The following ADAP1 variants were observed in gnomAD, a reference collection of about 807,000 sequenced individuals.
The protein encoded by ADAP1 is arf-GAP with dual PH domain-containing protein 1.
In ADAP1, 31 loss-of-function variants were observed where a neutral mutation model predicts 54.9. The observed-to-expected ratio is 0.56, with a 90% confidence interval of 0.42 to 0.76. The LOEUF (loss-of-function observed/expected upper bound fraction) is 0.76, where lower values mean the gene tolerates loss of function less well. Among genes scored for constraint, ADAP1 ranks in the 30% least tolerant of loss-of-function variants. The pLI is 0.00. For synonymous variants in ADAP1, 313 were observed against 202.6 expected (o/e 1.55, Z -4.63); for missense variants, 535 against 512.4 (o/e 1.04, Z -0.42).
chr7:954,823 A>C, upstream of ADAP1: 5 of 600,164 alleles, frequency 8.3e-6, no homozygotes, highest in Non-Finnish European at 1.0e-5. Flanking sequence ...CCGCTGGGAA[A>C]TCGCCCGCCG....
rs1439439602 is a variant in ADAP1 at position 926,652 on chromosome 7, AGAG to A, written c.214-11_214-9del. The A allele has an allele frequency of 4.5e-6, 7 of 1,538,958 alleles. No individual in the cohort carries two copies. The highest frequency in any genetic ancestry group is 6.1e-6 in the Non-Finnish European group (7 of 1,142,216). On this transcript the variant is annotated splice_polypyrimidine_tract_variant and intron_variant, in intron 2 of 10. Coordinates refer to ENST00000265846, the MANE Select transcript of ADAP1 (RefSeq NM_006869.4). This position sits in a 1 kb window ranked among gnomAD's most constrained non-coding sequence, Gnocchi z 4.6. ...CCCGTGGGAGGCCATGAACTGCAAG[AGAG>A]GAGGGGCCGGGTCAGAGGCCTGGGG...
At chr7:927,575 A>G (rs1583170775) in intron 2 of ADAP1, 2 of 457,894 alleles carry the variant, frequency 4.4e-6, no homozygotes, top group East Asian at 1.4e-4. Context: ...GGCAGTAAAC[A>G]GGGAGGGCCC....
chr7:905,385 A>AAAGGGAAAGGAGAAAGGGAAAGG (rs1845105955), intron 4 of ADAP1: 1 of 239,730 alleles, frequency 4.2e-6, no homozygotes, highest in Non-Finnish European at 6.8e-6. Flanking sequence ...AGGAGAAAGG[A>AAAGGGAAAGGAGAAAGGGAAAGG]GAAAGGAGAA....
chr7:934,956 C>A (rs1387574840), intron 2 of ADAP1, among the ~76,000 whole-genome samples: 1 of 152,230 alleles, frequency 6.6e-6, no homozygotes, highest in East Asian at 1.9e-4. Context: ...ACGTGGACTG[C>A]CGTGTAAATG....
intron 1 of ADAP1, among the ~76,000 whole-genome samples, chr7:939,151 A>G (rs575862747): frequency 1.2e-4 from 18 of 152,304 alleles, no homozygotes; most frequent in African/African-American, 2.9e-4. Flanking sequence ...TGAACTGTCT[A>G]TAGCTGCTTT....
At chr7:900,062 TACCCCAGGCC>T (rs769430317) in intron 8 of ADAP1, 30 bp downstream of exon 8, 78 of 1,610,766 alleles carry the variant, frequency 4.8e-5, no homozygotes, top group African/African-American at 1.6e-4. Context: ...CACCATGGCG[TACCCCAGGCC>T]ACCCCAGGCC....
chr7:904,592 A>G (rs571306736), intron 5 of ADAP1, among the ~76,000 whole-genome samples: 4 of 152,100 alleles, frequency 2.6e-5, no homozygotes, highest in Non-Finnish European at 5.9e-5. Flanking sequence ...CCACCAGCCC[A>G]CCTCCAGCCA....
At chr7:932,999 T>A (rs552178941) in intron 2 of ADAP1, among the ~76,000 whole-genome samples, 2 of 152,244 alleles carry the variant, frequency 1.3e-5, no homozygotes, top group East Asian at 3.9e-4. Context: ...CAGCCAGGCA[T>A]GGTGGCTCAC....
intron 4 of ADAP1, among the ~76,000 whole-genome samples, chr7:916,516 G>A (rs1845938435): frequency 6.6e-6 from 1 of 152,184 alleles, no homozygotes. Flanking sequence ...AAATTGCTAA[G>A]ATGTTTCTGC....
intron 4 of ADAP1, among the ~76,000 whole-genome samples, chr7:906,608 GGAGAAAGGGAAAGGA>G (rs200216072): frequency 3.2e-4 from 3 of 9,450 alleles, no homozygotes; most frequent in African/African-American, 8.6e-4. Context: ...AGGGAGAAAG[GGAGAAAGGGAAAGGA>G]GAAAGGAGAA....
intron 4 of ADAP1, among the ~76,000 whole-genome samples, chr7:918,044 C>G (rs373281892): frequency 1.3e-5 from 2 of 152,120 alleles, no homozygotes; most frequent in Non-Finnish European, 2.9e-5. Context: ...CCGCCTTGAC[C>G]TCCATATAAA....
intron 3 of ADAP1, among the ~76,000 whole-genome samples, chr7:925,361 TAA>T (rs5881885): frequency 0.29 from 32,116 of 111,280 alleles, 4,511 homozygotes; most frequent in East Asian, 0.44. Context: ...TCTCTATATT[TAA>T]AAAAAAAAAA....
intron 6 of ADAP1, 181 bp from the exon 7 acceptor site, chr7:900,797 C>A: frequency 1.5e-6 from 1 of 654,716 alleles, no homozygotes; most frequent in Non-Finnish European, 2.8e-6. Flanking sequence ...ACGCTGAGGC[C>A]GGGGCTGCTA....
chr7:943,402 G>A (rs1487322413), intron 1 of ADAP1, among the ~76,000 whole-genome samples: 2 of 15,234 alleles, frequency 1.3e-4, no homozygotes, highest in Non-Finnish European at 2.6e-4. Context: ...GAGGAGGAAG[G>A]GAGTGAGGAG....
At chr7:933,460 G>A (rs1846646846) in intron 2 of ADAP1, among the ~76,000 whole-genome samples, 1 of 97,128 alleles carries the variant, frequency 1.0e-5, no homozygotes, top group South Asian at 6.0e-4. Context: ...TCCCAACCAG[G>A]GGCAGGGGTC....
At chr7:942,385 GA>G (rs1846968169) in intron 1 of ADAP1, among the ~76,000 whole-genome samples, 5 of 104,874 alleles carry the variant, frequency 4.8e-5, no homozygotes, top group African/African-American at 2.0e-4. Context: ...GAGGAAGGGA[GA>G]GAGGAGGAGG....
chr7:911,497 A>T (rs913738069), intron 4 of ADAP1, among the ~76,000 whole-genome samples: 1 of 151,698 alleles, frequency 6.6e-6, no homozygotes, highest in African/African-American at 2.4e-5. Context: ...GCCCAAGAAC[A>T]GCGAACCCTG....
chr7:900,015 G>C (rs565170341), intron 8 of ADAP1, 87 bp downstream of exon 8: 3 of 1,485,892 alleles, frequency 2.0e-6, no homozygotes, highest in South Asian at 1.2e-5. Context: ...AAACACAGGC[G>C]GCAGCTGGCA....
chr7:937,145 C>T (rs111391884), intron 1 of ADAP1, among the ~76,000 whole-genome samples: 121 of 90,102 alleles, frequency 1.3e-3, no homozygotes, highest in African/African-American at 2.2e-3. Context: ...TTGGGGGTCA[C>T]GCCCGGCCTC....
Sources: allele counts gnomAD v4.1 joint callset (sites outside exome capture counted in the v4.1 genomes callset), GRCh38; gene constraint gnomAD v4.1.1; non-coding constraint Gnocchi (gnomAD v3.1); transcripts MANE v1.5; gene names NCBI Gene and HGNC (gene_info 2026-07-23, HGNC 2026-07-21).